Variants in CHP1 observed in about 807,000 individuals in gnomAD.
CHP1 encodes the protein calcineurin like EF-hand protein 1, also known as calcineurin B homologous protein 1.
Under a neutral mutation model 27.4 loss-of-function variants are expected in CHP1, and 11 were observed. The observed-to-expected ratio is 0.40, with a 90% CI of 0.25 to 0.67. The LOEUF is 0.67. Ranked by LOEUF, CHP1 falls within the 30% of genes least tolerant of loss-of-function variation. CHP1 has a pLI of 0.38. For missense variants in CHP1, 169 were observed against 251.3 expected (o/e 0.67, Z 2.22); for synonymous variants, 89 against 87.4 (o/e 1.02, Z -0.10).
At chr15:41,238,312 G>T (rs762049932) in intron 1 of CHP1, among the ~76,000 whole-genome samples, 3 of 151,746 alleles carry the variant, frequency 2.0e-5, no homozygotes, top group Non-Finnish European at 4.4e-5. Flanking sequence ...AATGCACCAC[G>T]ATGCCCAGCT....
At chr15:41,234,196 C>T (rs1324381861) in intron 1 of CHP1, 1 of 152,190 alleles carries the variant, frequency 6.6e-6, no homozygotes, top group African/African-American at 2.4e-5. Flanking sequence ...TCAAGTGATT[C>T]TTAGGCCACT....
intron 4 of CHP1, among the ~76,000 whole-genome samples, chr15:41,268,137 G>C (rs2047471227): frequency 6.6e-6 from 1 of 152,100 alleles, no homozygotes; most frequent in Admixed American, 6.6e-5. Flanking sequence ...GAGAAGACGG[G>C]TGAATAAACA....
At chr15:41,260,453 G>A (rs987014514) in intron 3 of CHP1, among the ~76,000 whole-genome samples, 25 of 149,554 alleles carry the variant, frequency 1.7e-4, no homozygotes, top group Non-Finnish European at 3.1e-4. Flanking sequence ...GGAGTGCAGT[G>A]GTGCAGTCTC....
intron 1 of CHP1, among the ~76,000 whole-genome samples, chr15:41,233,285 T>C (rs192553727): frequency 1.3e-4 from 20 of 152,182 alleles, no homozygotes; most frequent in Admixed American, 1.0e-3. Flanking sequence ...GAGAAATAAA[T>C]ATAGAGTCAC....
intron 5 of CHP1, 22 bp from the exon 6 acceptor site, chr15:41,278,745 T>A (rs1271403807): frequency 6.2e-7 from 1 of 1,613,906 alleles, no homozygotes; most frequent in South Asian, 1.1e-5. Context: ...GCCCTTGTAA[T>A]TCCTGGCTCT....
At chr15:41,249,575 C>A (rs924776748) in intron 2 of CHP1, among the ~76,000 whole-genome samples, 2 of 144,806 alleles carry the variant, frequency 1.4e-5, no homozygotes, top group African/African-American at 5.2e-5. Flanking sequence ...CGGGTTCATG[C>A]CATTCTCATG....
At chr15:41,235,298 G>A (rs141906809) in intron 1 of CHP1, among the ~76,000 whole-genome samples, 372 of 152,142 alleles carry the variant, frequency 2.4e-3, no homozygotes, top group African/African-American at 8.4e-3. Context: ...GTGGCAGATC[G>A]CTTGAGCCCA....
chr15:41,256,754 A>T, intron 2 of CHP1, 156 bp from the exon 3 acceptor site: 1 of 651,468 alleles, frequency 1.5e-6, no homozygotes, highest in Non-Finnish European at 2.8e-6. Context: ...GCAGCTATTA[A>T]AGTGCTATTC....
Position 41,243,615 on chromosome 15 carries a change from G to A in CHP1, c.68-52G>A. On this transcript the variant is annotated intron_variant, in intron 1 of 6. Transcript: ENST00000334660. Reference sequence around the variant, plus strand: ...CATTTGACAGCGAGGGGTGGGTTCAGTGTGAATGAGGGCTACTTCCCCCGA... The same window carrying A: ...CATTTGACAGCGAGGGGTGGGTTCAATGTGAATGAGGGCTACTTCCCCCGA... The A allele has an allele frequency of 2.0e-6, 3 of 1,497,250 alleles. No individual in the cohort carries two copies. In the East Asian group the frequency reaches 6.8e-5, roughly 34 times the overall value. The allele number at this position is 1,497,250 out of a possible 1,614,324, so 92.7% of individuals were successfully genotyped here.
chr15:41,233,287 T>G (rs144345114), intron 1 of CHP1, among the ~76,000 whole-genome samples: 54 of 152,218 alleles, frequency 3.5e-4, no homozygotes, highest in African/African-American at 1.3e-3. Flanking sequence ...GAAATAAATA[T>G]AGAGTCACAT....
intron 2 of CHP1, among the ~76,000 whole-genome samples, chr15:41,248,606 A>T (rs2047348085): frequency 6.6e-6 from 1 of 152,030 alleles, no homozygotes; most frequent in Non-Finnish European, 1.5e-5. Flanking sequence ...GATCTCTATC[A>T]TGGTGTGGAT....
chr15:41,270,548 C>G lies in CHP1; in HGVS notation c.350-9C>G. The G allele has an allele frequency of 1.2e-6, 2 of 1,611,724 alleles. No individual in the cohort carries two copies. The highest frequency in any genetic ancestry group is 1.7e-6 in the Non-Finnish European group (2 of 1,177,938). On this transcript the variant is annotated splice_polypyrimidine_tract_variant and intron_variant, in intron 4 of 6. Coordinates refer to ENST00000334660, the MANE Select transcript of CHP1 (RefSeq NM_007236.5). ...GAATTTTGACTAACTTTGTGTTTTT[C>G]CCTTACAGTTGCTTTTCGACTATAT...
At chr15:41,270,732 T>C in intron 5 of CHP1, 114 bp downstream of exon 5, 1 of 804,558 alleles carries the variant, frequency 1.2e-6, no homozygotes, top group Non-Finnish European at 2.1e-6. Context: ...ATGTGCAGAG[T>C]CCTGTCCTGG....
rs367803852 is a variant in CHP1, at chr15:41,267,176, G to C, written c.350-3381G>C. 3.9e-5 allele frequency among the ~76,000 whole-genome samples: 6 copies of C among 151,986 alleles called. No homozygotes were observed. In the East Asian group the frequency reaches 1.2e-3, roughly 29 times the overall value. On this transcript the variant is annotated intron_variant, in intron 4 of 6. Coordinates refer to ENST00000334660, the MANE Select transcript of CHP1 (RefSeq NM_007236.5). ...GTAGAACGGTGGTTGCCCAGGGCTG[G>C]GGGATGGTGGTGGTGATGGTAATGG...
At chr15:41,248,079 G>A (rs995059535) in intron 2 of CHP1, among the ~76,000 whole-genome samples, 9 of 152,086 alleles carry the variant, frequency 5.9e-5, no homozygotes, top group African/African-American at 1.7e-4. Context: ...CAGCAGACTA[G>A]CTCACTCATT....
Position 41,239,397 on chromosome 15 carries a change from C to A in CHP1, c.68-4270C>A, listed in dbSNP as rs76551716. Among the ~76,000 whole-genome samples the A allele has an allele frequency of 3.2e-3, 479 of 149,600 alleles. 4 individuals carry two copies. Among genetic ancestry groups the A allele is most frequent in the African/African-American group, 0.011 (454 of 40,590 alleles). On this transcript the variant is annotated intron_variant, in intron 1 of 6. Coordinates refer to ENST00000334660, the MANE Select transcript of CHP1 (RefSeq NM_007236.5). Reference sequence around the variant, plus strand: ...ATATTAGTACATTATTTTTTGTTATCGTTTGTTTTGTTTTGTTTTGTTTTG... The same window carrying A: ...ATATTAGTACATTATTTTTTGTTATAGTTTGTTTTGTTTTGTTTTGTTTTG...
chr15:41,267,816 C>G (rs999836680), intron 4 of CHP1, among the ~76,000 whole-genome samples: 8 of 151,274 alleles, frequency 5.3e-5, no homozygotes, highest in African/African-American at 1.9e-4. Context: ...TGCCTGTATT[C>G]CTAGCTGCTC....
chr15:41,264,526 C>A (rs936792619), intron 4 of CHP1, among the ~76,000 whole-genome samples: 13 of 152,210 alleles, frequency 8.5e-5, no homozygotes, highest in Admixed American at 8.5e-4. Flanking sequence ...ATGGCCTTGA[C>A]TTTCCTGGCT....
At chr15:41,274,538 A>G (rs968144936) in intron 5 of CHP1, among the ~76,000 whole-genome samples, 4 of 152,120 alleles carry the variant, frequency 2.6e-5, no homozygotes, top group African/African-American at 9.7e-5. Context: ...AGTAGCTGGG[A>G]CTACATGCAT....
Sources: gnomAD v4.1 joint callset for allele counts (sites outside exome capture counted in the v4.1 genomes callset) on GRCh38, gnomAD v4.1.1 for gene constraint, MANE v1.5 for transcripts, NCBI Gene and HGNC (gene_info 2026-07-23, HGNC 2026-07-21) for gene names.